Variants in PBX1 observed in about 807,000 individuals in gnomAD.
PBX1 encodes pre-B-cell leukemia transcription factor 1.
A neutral mutation model predicts 53.4 loss-of-function variants in PBX1; 6 were observed. That is an observed-to-expected ratio of 0.11 (90% CI 0.06 to 0.22). PBX1 has a LOEUF of 0.22. PBX1 is among the 10% of genes least tolerant of loss of function. The probability of loss-of-function intolerance (pLI) is 1.00; values close to 1 mark genes in which losing one functional copy is unlikely to be tolerated. For synonymous variants in PBX1, 204 were observed against 212.3 expected (o/e 0.96, Z 0.34); for missense variants, 251 against 551.4 (o/e 0.46, Z 5.46).
At chr1:164,694,503 A>G (rs1662691252) in intron 2 of PBX1, among the ~76,000 whole-genome samples, 1 of 152,132 alleles carries the variant, frequency 6.6e-6, no homozygotes, top group African/African-American at 2.4e-5. Context: ...TAAAACCTAT[A>G]TGTTTAGCCC....
chr1:164,849,501 T>G lies in PBX1; in HGVS notation c.*2825T>G. The G allele has an allele frequency of 1.3e-6, 2 of 1,512,304 alleles. No homozygotes were observed. Among genetic ancestry groups the G allele is most frequent in the Admixed American group, 3.9e-5 (2 of 50,804 alleles). The allele number at this position is 1,512,304 out of a possible 1,614,324, so 93.7% of individuals were successfully genotyped here. A position where few individuals can be genotyped will look rare whatever the true frequency, so the allele number is the denominator to read the frequency against. Reference sequence around the variant, plus strand: ...AAACACAGCTTCCTGGGAATTCACATGAGGCCAGTCCTACAGAGAGCAAGA... The same window carrying G: ...AAACACAGCTTCCTGGGAATTCACAGGAGGCCAGTCCTACAGAGAGCAAGA... On this transcript the variant is annotated 3_prime_UTR_variant, in exon 9 of 9. Coordinates refer to ENST00000420696, the MANE Select transcript of PBX1 (RefSeq NM_002585.4).
At chr1:164,758,411 G>T (rs1666636627) in intron 2 of PBX1, among the ~76,000 whole-genome samples, 1 of 152,182 alleles carries the variant, frequency 6.6e-6, no homozygotes, top group Non-Finnish European at 1.5e-5. Context: ...CGACTCTGAA[G>T]AGGCAGGTTT....
At chr1:164,841,457 T>C (rs1274412328) in intron 8 of PBX1, among the ~76,000 whole-genome samples, 1 of 152,094 alleles carries the variant, frequency 6.6e-6, no homozygotes, top group African/African-American at 2.4e-5. Context: ...AACAGGGAGA[T>C]GACATGCACA....
chr1:164,615,953 A>T (rs1657249902), intron 2 of PBX1, among the ~76,000 whole-genome samples: 1 of 152,160 alleles, frequency 6.6e-6, no homozygotes, highest in African/African-American at 2.4e-5. Context: ...TGGGGAGGCC[A>T]GGGTATTGTG....
At position 164,841,650 on chromosome 1, in the gene PBX1, G is replaced by T. The variant is rs139495910; in HGVS notation, c.1201-4934G>T. On this transcript the variant is annotated intron_variant, in intron 8 of 8. Coordinates refer to ENST00000420696, the MANE Select transcript of PBX1 (RefSeq NM_002585.4). ...GTGCTGTCTGTGTAATCTTGGGAAAGTGTTAAGCATATCAGGAAGACATAT... is the reference window on the plus strand; with the variant it reads ...GTGCTGTCTGTGTAATCTTGGGAAATTGTTAAGCATATCAGGAAGACATAT... 3.3e-3 allele frequency among the ~76,000 whole-genome samples: 506 copies of T among 152,276 alleles called. 6 individuals are homozygous for T. The highest frequency in any genetic ancestry group is 0.02 in the Middle Eastern group (6 of 294).
intron 2 of PBX1, among the ~76,000 whole-genome samples, chr1:164,758,151 C>T (rs1289932908): frequency 1.3e-5 from 2 of 152,182 alleles, no homozygotes; most frequent in African/African-American, 4.8e-5. Flanking sequence ...CTTGATTCTA[C>T]AACTTCTACC....
Position 164,618,302 on chromosome 1 carries a change from G to T in PBX1, c.265+54991G>T, listed in dbSNP as rs796790141. ...CCCAGGGAGAATAATCACGGCGGGG[G>T]GGGGGGGGCACTCAAGATGATCAGC... On this transcript the variant is annotated intron_variant, in intron 2 of 8. Transcript: ENST00000420696. Among the ~76,000 whole-genome samples the T allele has an allele frequency of 4.5e-4, 67 of 147,946 alleles. 1 individual carries two copies. In the South Asian group the frequency reaches 7.1e-3, roughly 16 times the overall value.
intron 2 of PBX1, among the ~76,000 whole-genome samples, chr1:164,701,783 G>A (rs1003722318): frequency 1.3e-4 from 20 of 152,080 alleles, no homozygotes; most frequent in Non-Finnish European, 2.5e-4. Flanking sequence ...TTTTGACCGA[G>A]CTCTGTACTT....
At chr1:164,732,547 T>G (rs1000448453) in intron 2 of PBX1, among the ~76,000 whole-genome samples, 2 of 152,166 alleles carry the variant, frequency 1.3e-5, no homozygotes, top group Middle Eastern at 3.2e-3. Flanking sequence ...TTTCTTCAAA[T>G]GTATCTATTA....
chr1:164,627,715 T>C (rs139319919), intron 2 of PBX1, among the ~76,000 whole-genome samples: 32 of 152,322 alleles, frequency 2.1e-4, no homozygotes, highest in African/African-American at 7.7e-4. Context: ...AGCATTTCTC[T>C]CTTTAAAAGC....
rs1416605442 is a variant in PBX1, at chr1:164,847,780, C to T, written c.*1104C>T. On this transcript the variant is annotated 3_prime_UTR_variant, in exon 9 of 9. Coordinates refer to ENST00000420696, the MANE Select transcript of PBX1 (RefSeq NM_002585.4). ...AGTGAAGGTCACTGACACAGAGAAG[C>T]AGTATGTGTCTGGGGCTTCCAGGAC... The T allele has an allele frequency of 1.4e-5, 15 of 1,052,674 alleles. No individual in the cohort carries two copies. The highest frequency in any genetic ancestry group is 1.7e-5 in the Non-Finnish European group (15 of 871,508). 65.2% of individuals were successfully genotyped at this position (1,052,674 alleles called of 1,614,324 possible). A position where few individuals can be genotyped will look rare whatever the true frequency, so the allele number is the denominator to read the frequency against.
intron 2 of PBX1, among the ~76,000 whole-genome samples, chr1:164,870,079 A>G (rs1456090287): frequency 6.6e-6 from 1 of 152,204 alleles, no homozygotes; most frequent in East Asian, 1.9e-4. Flanking sequence ...AAGTAGAGGA[A>G]CACTTATTTT....
At chr1:164,811,967 CA>C (rs1380262093) in intron 5 of PBX1, 22 bp from the exon 6 acceptor site, 7 of 1,591,452 alleles carry the variant, frequency 4.4e-6, no homozygotes, top group African/African-American at 1.4e-5. Flanking sequence ...TGAACTTTCT[CA>C]TCTTCTCTTA....
At chr1:164,717,172 C>T (rs1035117453) in intron 2 of PBX1, among the ~76,000 whole-genome samples, 2 of 152,134 alleles carry the variant, frequency 1.3e-5, no homozygotes, top group African/African-American at 4.8e-5. Context: ...AGTGTGTCAC[C>T]ACCGGAAGGA....
intron 2 of PBX1, among the ~76,000 whole-genome samples, chr1:164,607,801 T>A (rs1409994881): frequency 6.6e-6 from 1 of 152,020 alleles, no homozygotes; most frequent in Non-Finnish European, 1.5e-5. Context: ...AAGAGAAAAA[T>A]CTGGAGGGAG....
chr1:164,831,152 T>A (rs1670733918), intron 8 of PBX1, among the ~76,000 whole-genome samples: 1 of 152,226 alleles, frequency 6.6e-6, no homozygotes, highest in Non-Finnish European at 1.5e-5. Flanking sequence ...TCTACTGGCT[T>A]CGTCATATTG....
At chr1:164,877,255 CAA>C (rs113396239) in intron 2 of PBX1, among the ~76,000 whole-genome samples, 4 of 131,170 alleles carry the variant, frequency 3.0e-5, no homozygotes, top group East Asian at 4.4e-4. Flanking sequence ...CAGTGATGGG[CAA>C]AAAAAAAAAA....
chr1:164,566,135 C>A (rs1312595548), intron 2 of PBX1, among the ~76,000 whole-genome samples: 1 of 151,992 alleles, frequency 6.6e-6, no homozygotes, highest in African/African-American at 2.4e-5. Flanking sequence ...GTATTACCAA[C>A]CTTTTGGAAC....
chr1:164,571,814 G>GC (rs1301372065), intron 2 of PBX1, among the ~76,000 whole-genome samples: 1 of 128,218 alleles, frequency 7.8e-6, no homozygotes, highest in African/African-American at 3.0e-5. Context: ...GCTGCAGTAG[G>GC]CACATTTTTT....
Sources: allele counts gnomAD v4.1 joint callset (sites outside exome capture counted in the v4.1 genomes callset), GRCh38; gene constraint gnomAD v4.1.1; transcripts MANE v1.5; gene names NCBI Gene and HGNC (gene_info 2026-07-23, HGNC 2026-07-21).